Variants in CEP350 observed in about 807,000 individuals in gnomAD.
CEP350 encodes centrosome-associated protein 350.
CEP350 carries 126 observed loss-of-function variants against 331.8 expected under a neutral mutation model. The ratio of observed to expected loss-of-function variants is 0.38; its 90% CI spans 0.33 to 0.44. The LOEUF (loss-of-function observed/expected upper bound fraction) is 0.44. Ranked by LOEUF, CEP350 falls within the 20% of genes least tolerant of loss-of-function variation. The pLI, the probability that CEP350 is intolerant of heterozygous loss-of-function variation, is 1.00. For missense variants in CEP350, 3,406 were observed against 3,634.6 expected (o/e 0.94, Z 1.62); for synonymous variants, 1,200 against 1,259.5 (o/e 0.95, Z 1.00).
In CEP350 at chr1:180,037,065, T is replaced by A. The variant is rs1558118093; in HGVS notation, c.4086T>A (p.Ser1362Arg). 7 of 1,603,156 alleles carry A rather than the reference T, an allele frequency of 4.4e-6. No homozygotes were observed. The highest frequency in any genetic ancestry group is 6.0e-6 in the Non-Finnish European group (7 of 1,174,870). Residue 1362 changes from serine to arginine, a missense_variant, in exon 17 of 38, where the codon AGT becomes AGA. By Grantham distance (110) the Ser-to-Arg change is moderately radical (BLOSUM62 -1). Transcript: ENST00000367607. ...GCATTTCACTTGCTCAGCAGGAGAG[T>A]GTGTCTCTAGCTCAGATAATAAAGG... is the stretch of plus-strand genomic sequence containing the variant. The part of the protein sequence containing the change: ...VRGISLAQQE[S>R]VSLAQIIKAQ...
chr1:179,979,775 G>GT (rs1487546938), intron 1 of CEP350, among the ~76,000 whole-genome samples: 1 of 151,974 alleles, frequency 6.6e-6, no homozygotes, highest in Non-Finnish European at 1.5e-5. Flanking sequence ...TGGAGATTCA[G>GT]TTTTCCCAGC....
At chr1:180,008,892 T>A (rs1654431811) in intron 8 of CEP350, among the ~76,000 whole-genome samples, 1 of 152,224 alleles carries the variant, frequency 6.6e-6, no homozygotes, top group African/African-American at 2.4e-5. Flanking sequence ...GAATGGCAGA[T>A]AACACATTTT....
At chr1:179,997,621 G>C (rs1197889475) in intron 6 of CEP350, among the ~76,000 whole-genome samples, 1 of 151,862 alleles carries the variant, frequency 6.6e-6, no homozygotes, top group African/African-American at 2.4e-5. Flanking sequence ...TCCTAAGTCA[G>C]ATTTTCTGGG....
Position 180,092,677 on chromosome 1 carries a change from G to A in CEP350, c.6572G>A (p.Arg2191Lys), listed in dbSNP as rs1480767252. The change falls in exon 34 of 38, where the codon AGA becomes AAA. Residue 2191 changes from arginine (R) to lysine (K), a missense_variant. Arg to Lys is a conservative substitution (Grantham distance 26, BLOSUM62 2). Transcript: ENST00000367607. The part of the protein sequence containing the change: ...SERSLSAYAK[R>K]VNEWDSRTED... ...AGGTCTTTATCTGCATATGCAAAGA[G>A]AGTAAATGAATGGGACAGTCGAACA... 3 of 1,613,096 alleles carry A rather than the reference G, an allele frequency of 1.9e-6. No homozygotes were observed. The highest frequency in any genetic ancestry group is 2.5e-6 in the Non-Finnish European group (3 of 1,179,544).
intron 31 of CEP350, chr1:180,087,247 A>T (rs759023859): frequency 6.0e-6 from 1 of 166,788 alleles, no homozygotes; most frequent in Non-Finnish European, 1.3e-5. Context: ...AAGTAATAGT[A>T]CACTCTTTAG....
At position 180,080,657 on chromosome 1, in the gene CEP350, G is replaced by A. The variant is rs768060454; in HGVS notation, c.6120G>A (p.Gln2040=). Residue 2040 remains glutamine (Q), a synonymous_variant, in exon 30 of 38, where the codon CAG becomes CAA. Transcript: ENST00000367607. ...SWSDESLSMT[Q]SETTSDQSDI... ...CAGATGAGTCATTATCTATGACACA[G>A]TCAGGTAAGACTAATCATGAGGAGT... is the stretch of plus-strand genomic sequence containing the variant. 1 of 1,613,008 alleles carries A rather than the reference G, an allele frequency of 6.2e-7. No individual in the cohort carries two copies. Among genetic ancestry groups the A allele is most frequent in the Non-Finnish European group, 8.5e-7 (1 of 1,179,200 alleles).
chr1:180,008,977 A>T (rs1654439446), intron 8 of CEP350, among the ~76,000 whole-genome samples: 1 of 152,234 alleles, frequency 6.6e-6, no homozygotes. Flanking sequence ...ATAAAATGTT[A>T]CAAAAACATG....
At chr1:180,108,045 T>C (rs993076422) in intron 37 of CEP350, among the ~76,000 whole-genome samples, 3 of 151,520 alleles carry the variant, frequency 2.0e-5, no homozygotes, top group Non-Finnish European at 4.4e-5. Context: ...CCCCCAGTTG[T>C]TATAGTTGAA....
rs539164504 is a variant in CEP350, at chr1:180,100,947, A to G, written c.9189+1962A>G. 5.1e-4 allele frequency among the ~76,000 whole-genome samples: 78 copies of G among 152,322 alleles called. 1 individual carries two copies. The South Asian group carries it at 0.015, about 30-fold the overall frequency. ...TGGGAATTCTGGGAGATACAATTCA[A>G]GTTGAGATTTAGGTGGGGACACAGC... On this transcript the variant is annotated intron_variant, in intron 37 of 37. Transcript: ENST00000367607.
At chr1:180,106,099 G>A (rs775174306) in intron 37 of CEP350, among the ~76,000 whole-genome samples, 1 of 152,158 alleles carries the variant, frequency 6.6e-6, no homozygotes, top group East Asian at 1.9e-4. Context: ...AGATGCTGTG[G>A]AATGAGTAGC....
At position 180,013,981 on chromosome 1, in the gene CEP350, G is replaced by T. The variant is rs747861450; in HGVS notation, c.1528G>T (p.Asp510Tyr). ...AAAGAAACTAGCTTCATCTCTTCCA[G>T]ATAATAAGCAGGAGGAAAATACTGC... is the stretch of plus-strand genomic sequence containing the variant. ...NIKKLASSLP[D>Y]NKQEENTALN... Residue 510 changes from aspartate (D) to tyrosine (Y), a missense_variant, in exon 10 of 38, where the codon GAT becomes TAT. By Grantham distance (160) the Asp-to-Tyr change is radical. Transcript: ENST00000367607. 8.7e-6 allele frequency: 14 copies of T among 1,613,686 alleles called. No individual in the cohort carries two copies. Among genetic ancestry groups the T allele is most frequent in the Non-Finnish European group, 1.0e-5 (12 of 1,179,796 alleles).
At chr1:180,091,896 T>G (rs1023668085) in intron 33 of CEP350, among the ~76,000 whole-genome samples, 1 of 151,314 alleles carries the variant, frequency 6.6e-6, no homozygotes, top group African/African-American at 2.4e-5. Context: ...CAGTGACAAA[T>G]AGAGATTTGG....
intron 22 of CEP350, among the ~76,000 whole-genome samples, chr1:180,049,538 T>C (rs1159996066): frequency 1.4e-5 from 2 of 145,576 alleles, no homozygotes; most frequent in Non-Finnish European, 3.0e-5. Flanking sequence ...CAGACTTACT[T>C]ACACCTTTTT....
intron 5 of CEP350, among the ~76,000 whole-genome samples, chr1:179,994,275 T>TTTATG (rs1191146623): frequency 2.6e-5 from 4 of 152,058 alleles, no homozygotes; most frequent in Non-Finnish European, 4.4e-5. Flanking sequence ...AACCTAACAT[T>TTTATG]TTATGTTTTA....
chr1:179,963,560 T>G (rs1650786104), intron 1 of CEP350, among the ~76,000 whole-genome samples: 2 of 150,752 alleles, frequency 1.3e-5, no homozygotes, highest in Admixed American at 6.7e-5. Context: ...GTTTTTTGGG[T>G]TTTTTTTTCT....
At chr1:180,099,021 C>A in intron 37 of CEP350, 36 bp downstream of exon 37, 1 of 1,585,016 alleles carries the variant, frequency 6.3e-7, no homozygotes, top group South Asian at 1.2e-5. Flanking sequence ...TTATTTTGAC[C>A]ATATCTTTTA....
chr1:180,094,099 A>G lies in CEP350; in HGVS notation c.7994A>G (p.Glu2665Gly), dbSNP rs755322932. Residue 2665 changes from glutamate to glycine, a missense_variant, in exon 34 of 38, where the codon GAA (glutamate) becomes GGA (glycine). Physicochemically the swap from Glu to Gly is moderately conservative, Grantham distance 98. Around this residue, in one of 5 missense-constraint regions of CEP350, gnomAD observed 1,415 missense variants for 1,512.3 expected, o/e 0.94. Coordinates refer to ENST00000367607, the MANE Select transcript of CEP350 (RefSeq NM_014810.5). ...SSVDSQISSK[E>G]NKDLISDATE... ...GTGGATTCACAGATTTCTTCAAAGG[A>G]AAACAAAGACCTCATTTCTGATGCC... The G allele has an allele frequency of 3.3e-5, 54 of 1,613,844 alleles. No individual in the cohort carries two copies. The East Asian group carries it at 1.2e-3, about 36-fold the overall frequency.
Position 180,095,676 on chromosome 1 carries a change from A to C in CEP350, c.8665A>C (p.Asn2889His), listed in dbSNP as rs1350996290. The C allele has an allele frequency of 6.2e-7, 1 of 1,614,012 alleles. No individual in the cohort carries two copies. Among genetic ancestry groups the C allele is most frequent in the Admixed American group, 1.7e-5 (1 of 60,024 alleles). The change falls in exon 35 of 38, where the codon AAT (asparagine) becomes CAT (histidine). Residue 2889 changes from asparagine to histidine, a missense_variant. Coordinates refer to ENST00000367607, the MANE Select transcript of CEP350 (RefSeq NM_014810.5). The part of the protein sequence containing the change: ...GLSSSHKIQK[N>H]KAEETIVPLM... ...GAGCTCTTCTCACAAGATCCAAAAAAATAAGGCAGAAGAAACCATTGTACC... is the reference window on the plus strand; with the variant it reads ...GAGCTCTTCTCACAAGATCCAAAAACATAAGGCAGAAGAAACCATTGTACC...
At chr1:180,068,867 G>A (rs1658710083) in intron 27 of CEP350, among the ~76,000 whole-genome samples, 1 of 152,178 alleles carries the variant, frequency 6.6e-6, no homozygotes, top group East Asian at 1.9e-4. Flanking sequence ...TTCACATAGA[G>A]AAGTATATCT....
Sources: gnomAD v4.1 joint callset for allele counts (sites outside exome capture counted in the v4.1 genomes callset) on GRCh38, gnomAD v4.1.1 for gene constraint, gnomAD v4.1.1 regional missense constraint, MANE v1.5 for transcripts, NCBI Gene and HGNC (gene_info 2026-07-23, HGNC 2026-07-21) for gene names.